DLC1: variants seen among roughly 807,000 people sequenced by gnomAD.
DLC1 encodes rho GTPase-activating protein 7.
In DLC1, 54 loss-of-function variants were observed where a neutral mutation model predicts 140.3. That is an observed-to-expected ratio of 0.38 (90% CI 0.31 to 0.48). DLC1 has a LOEUF of 0.48. Among genes scored for constraint, DLC1 ranks in the 20% least tolerant of loss-of-function variants. The probability of loss-of-function intolerance (pLI) is 0.96; values close to 1 mark genes in which losing one functional copy is unlikely to be tolerated. For missense variants in DLC1, 2,536 were observed against 1,907.0 expected, an observed-to-expected ratio of 1.33 and a Z score of -6.14; for synonymous variants, 986 against 728.1, an observed-to-expected ratio of 1.35 and a Z score of -5.70.
In DLC1 at chr8:13,424,644, C is replaced by T. The variant is rs186061436; in HGVS notation, c.1024-23025G>A. ...CTGGAGTGCAGTGCTGCGATCTTGG[C>T]TCACTGCAAGCTTCACCTCCCGGGT... On this transcript the variant is annotated intron_variant, in intron 2 of 17. Transcript: ENST00000276297. Among the ~76,000 whole-genome samples, 935 of 152,068 alleles carry T rather than the reference C, an allele frequency of 6.1e-3. 11 individuals are homozygous for T. The highest frequency in any genetic ancestry group is 0.018 in the South Asian group (86 of 4,812).
intron 6 of DLC1, among the ~76,000 whole-genome samples, chr8:13,112,883 C>T (rs181282403): frequency 6.6e-6 from 1 of 152,196 alleles, no homozygotes; most frequent in Admixed American, 6.5e-5. Flanking sequence ...GATGAAATAA[C>T]AGAGCTGATA....
At position 13,249,557 on chromosome 8, in the gene DLC1, C is replaced by T. The variant is rs192481920; in HGVS notation, c.1348+55712G>A. The stretch of plus-strand genomic sequence containing the variant: ...CTAGCCAAGGCTCTCTTCACTTGTG[C>T]CTTTCACACAGTCTTCTGAATTAGT... On this transcript the variant is annotated intron_variant, in intron 5 of 17. Transcript: ENST00000276297. Among the ~76,000 whole-genome samples, 337 of 152,308 alleles carry T rather than the reference C, an allele frequency of 2.2e-3. 3 individuals are homozygous for T. Among genetic ancestry groups the T allele is most frequent in the African/African-American group, 7.6e-3 (314 of 41,558 alleles).
intron 4 of DLC1, among the ~76,000 whole-genome samples, chr8:13,390,392 T>C (rs928310526): frequency 6.6e-6 from 1 of 152,210 alleles, no homozygotes; most frequent in Non-Finnish European, 1.5e-5. Flanking sequence ...GTTGGTTCCA[T>C]GTCTTTGCTA....
Position 13,284,493 on chromosome 8 carries a change from C to G in DLC1, c.1348+20776G>C, listed in dbSNP as rs147462342. 7.5e-3 allele frequency among the ~76,000 whole-genome samples: 1,136 copies of G among 152,130 alleles called. 17 individuals are homozygous for G. Among genetic ancestry groups the G allele is most frequent in the African/African-American group, 0.026 (1,085 of 41,504 alleles). On this transcript the variant is annotated intron_variant, in intron 5 of 17. Coordinates refer to ENST00000276297, the MANE Select transcript of DLC1 (RefSeq NM_182643.3). ...AGTGCGCTGAGATCGCGCCATTGCACTCCAGCCTGGGTGACAGAGCAAGAT... is the reference window on the plus strand; with the variant it reads ...AGTGCGCTGAGATCGCGCCATTGCAGTCCAGCCTGGGTGACAGAGCAAGAT...
At chr8:13,138,555 G>A (rs1469667040) in intron 5 of DLC1, among the ~76,000 whole-genome samples, 1 of 152,190 alleles carries the variant, frequency 6.6e-6, no homozygotes, top group Non-Finnish European at 1.5e-5. Flanking sequence ...GTTCAATGCA[G>A]CATTGCAAAA....
At chr8:13,327,422 A>T (rs1185735008) in intron 4 of DLC1, among the ~76,000 whole-genome samples, 1 of 151,490 alleles carries the variant, frequency 6.6e-6, no homozygotes, top group African/African-American at 2.4e-5. Flanking sequence ...TTGTGCCCAT[A>T]CTTATTAAAG....
chr8:13,424,651 C>A (rs1190246853), intron 2 of DLC1, among the ~76,000 whole-genome samples: 1 of 151,998 alleles, frequency 6.6e-6, no homozygotes, highest in Non-Finnish European at 1.5e-5. Context: ...TGGCTCACTG[C>A]AAGCTTCACC....
At chr8:13,385,192 T>C (rs998190143) in intron 4 of DLC1, among the ~76,000 whole-genome samples, 5 of 152,138 alleles carry the variant, frequency 3.3e-5, no homozygotes, top group African/African-American at 1.2e-4. Context: ...ATTTGGTAAA[T>C]GCTTATCTAG....
intron 1 of DLC1, among the ~76,000 whole-genome samples, chr8:13,588,262 A>C (rs945398556): frequency 2.6e-5 from 4 of 152,150 alleles, no homozygotes; most frequent in Non-Finnish European, 5.9e-5. Context: ...AGAAGAGAGA[A>C]AATGGTAGGA....
intron 4 of DLC1, among the ~76,000 whole-genome samples, chr8:13,355,743 A>G (rs1487129168): frequency 2.6e-5 from 4 of 152,150 alleles, no homozygotes; most frequent in Non-Finnish European, 4.4e-5. Context: ...CCTGGAAAGT[A>G]TATTTTTTGG....
chr8:13,296,410 G>A (rs1394805358), intron 5 of DLC1, among the ~76,000 whole-genome samples: 1 of 152,160 alleles, frequency 6.6e-6, no homozygotes, highest in Non-Finnish European at 1.5e-5. Flanking sequence ...GCACTGAAAT[G>A]CAAAGCTGTC....
intron 4 of DLC1, among the ~76,000 whole-genome samples, chr8:13,333,658 G>C (rs185556665): frequency 6.6e-6 from 1 of 152,006 alleles, no homozygotes; most frequent in Non-Finnish European, 1.5e-5. Context: ...GTTCTCACCC[G>C]CCCCCTTATT....
At chr8:13,143,690 G>C (rs150663608) in intron 5 of DLC1, among the ~76,000 whole-genome samples, 9 of 151,808 alleles carry the variant, frequency 5.9e-5, no homozygotes, top group African/African-American at 1.9e-4. Context: ...GGGATTCCAG[G>C]CCTGAGCCAC....
intron 1 of DLC1, among the ~76,000 whole-genome samples, chr8:13,542,913 G>A (rs1803535711): frequency 6.6e-6 from 1 of 151,958 alleles, no homozygotes; most frequent in Non-Finnish European, 1.5e-5. Flanking sequence ...GTCTATTACT[G>A]AAGATAGTTT....
intron 5 of DLC1, among the ~76,000 whole-genome samples, chr8:13,192,560 C>T (rs1826822853): frequency 6.6e-6 from 1 of 152,144 alleles, no homozygotes; most frequent in Non-Finnish European, 1.5e-5. Flanking sequence ...CACAGCAACC[C>T]ATCTAAGTCA....
intron 5 of DLC1, among the ~76,000 whole-genome samples, chr8:13,161,651 T>A (rs972759171): frequency 6.6e-6 from 1 of 152,216 alleles, no homozygotes; most frequent in African/African-American, 2.4e-5. Flanking sequence ...CTACTTTCCC[T>A]GTCCCTGCCC....
intron 1 of DLC1, among the ~76,000 whole-genome samples, chr8:13,572,612 C>T (rs1804702454): frequency 6.6e-6 from 1 of 152,104 alleles, no homozygotes; most frequent in African/African-American, 2.4e-5. Context: ...GTTTTATAGT[C>T]ACACATCTTA....
At chr8:13,553,789 C>A (rs941597217) in intron 1 of DLC1, among the ~76,000 whole-genome samples, 8 of 152,248 alleles carry the variant, frequency 5.3e-5, no homozygotes, top group African/African-American at 1.9e-4. Flanking sequence ...CAAAACGATT[C>A]TTGTCAAGGT....
chr8:13,090,556 C>T lies in DLC1; in HGVS notation c.3856-86G>A. The T allele has an allele frequency of 2.7e-6, 4 of 1,490,132 alleles. No individual in the cohort carries two copies. In the Admixed American group the frequency reaches 7.7e-5, roughly 29 times the overall value. The allele number at this position is 1,490,132 out of a possible 1,614,324, so 92.3% of individuals were successfully genotyped here. A position where few individuals can be genotyped will look rare whatever the true frequency, so the allele number is the denominator to read the frequency against. On this transcript the variant is annotated intron_variant, in intron 14 of 17. Transcript: ENST00000276297. ...ATCAGTGGAAAAGACTGGGTAGGAA[C>T]AATGGCCTGGTCCTTAAAGCAGTGC...
Sources: allele counts gnomAD v4.1 joint callset (sites outside exome capture counted in the v4.1 genomes callset), GRCh38; gene constraint gnomAD v4.1.1; transcripts MANE v1.5; gene names NCBI Gene and HGNC (gene_info 2026-07-23, HGNC 2026-07-21).